Variants in ZNF718 observed in about 807,000 individuals in gnomAD.
The protein encoded by ZNF718 is zinc finger protein 718.
ZNF718 carries 3 observed loss-of-function variants against 2.6 expected under a neutral mutation model. That is an observed-to-expected ratio of 1.16 (90% CI 0.53 to 3.01). The LOEUF is 3.01. ZNF718 is among the 30% of genes most tolerant of loss of function. The pLI is 0.03. For synonymous variants in ZNF718, 135 were observed against 77.9 expected, an observed-to-expected ratio of 1.73 and a Z score of -3.86; for missense variants, 468 against 230.0, an observed-to-expected ratio of 2.03 and a Z score of -6.69.
At chr4:183,235 A>G (rs1581480194) in intron 3 of ZNF718, among the ~76,000 whole-genome samples, 2 of 152,170 alleles carry the variant, frequency 1.3e-5, no homozygotes, top group African/African-American at 4.8e-5. Flanking sequence ...CAGTTCTCCC[A>G]ACACCATTTA....
At chr4:188,651 TCTA>T (rs1717618260) in intron 3 of ZNF718, among the ~76,000 whole-genome samples, 1 of 152,178 alleles carries the variant, frequency 6.6e-6, no homozygotes, top group African/African-American at 2.4e-5. Flanking sequence ...AAGCAGCTGC[TCTA>T]CTGAGACTCC....
At chr4:149,398 A>G in intron 3 of ZNF718, among the ~76,000 whole-genome samples, 1 of 152,264 alleles carries the variant, frequency 6.6e-6, no homozygotes, top group East Asian at 1.9e-4. Flanking sequence ...TTTTTATGGT[A>G]CATCTGTATA....
In ZNF718 at chr4:124,622, T is replaced by C; in HGVS notation, c.-49T>C. The C allele has an allele frequency of 6.2e-7, 1 of 1,603,706 alleles. No homozygotes were observed. The highest frequency in any genetic ancestry group is 8.5e-7 in the Non-Finnish European group (1 of 1,178,732). On this transcript the variant is annotated 5_prime_UTR_variant, in exon 1 of 4. Coordinates refer to ENST00000510175, the MANE Select transcript of ZNF718 (RefSeq NM_001039127.6). The stretch of plus-strand genomic sequence containing the variant: ...CCTCTGTGGCTCTGTGACCTGCCGG[T>C]ATTGGATGATTCGTATCTAAGACTC...
At chr4:166,346 A>C (rs1197023108), downstream of ZNF718, among the ~76,000 whole-genome samples, 2 of 152,210 alleles carry the variant, frequency 1.3e-5, no homozygotes, top group African/African-American at 2.4e-5. Context: ...ATGATTTATA[A>C]TCCTTTGGGT....
chr4:176,846 C>T (rs1717354768), intron 3 of ZNF718, among the ~76,000 whole-genome samples: 2 of 152,314 alleles, frequency 1.3e-5, no homozygotes, highest in Middle Eastern at 3.4e-3. Flanking sequence ...ACAGCAGCAA[C>T]TTTAGTGGCA....
At chr4:179,451 A>G (rs1165394408) in intron 3 of ZNF718, among the ~76,000 whole-genome samples, 1 of 152,224 alleles carries the variant, frequency 6.6e-6, no homozygotes, top group Non-Finnish European at 1.5e-5. Flanking sequence ...TAAGGCTGAC[A>G]TGGAATTTGT....
intron 3 of ZNF718, among the ~76,000 whole-genome samples, chr4:141,136 G>A (rs1312085290): frequency 6.6e-6 from 1 of 151,684 alleles, no homozygotes; most frequent in Non-Finnish European, 1.5e-5. Flanking sequence ...TATTTAACAT[G>A]TAATTCTGTA....
chr4:189,413 AT>A (rs1205382580), intron 3 of ZNF718, among the ~76,000 whole-genome samples: 1 of 151,736 alleles, frequency 6.6e-6, no homozygotes, highest in Admixed American at 6.6e-5. Flanking sequence ...TTATTATTAA[AT>A]TTTTTCTTGA....
chr4:191,427 C>T (rs1717692319), intron 3 of ZNF718, among the ~76,000 whole-genome samples: 1 of 152,056 alleles, frequency 6.6e-6, no homozygotes, highest in Admixed American at 6.6e-5. Flanking sequence ...GTTGGGATTT[C>T]AGGCATGAGT....
chr4:133,303 C>T (rs2108780618), intron 3 of ZNF718, among the ~76,000 whole-genome samples: 1 of 149,916 alleles, frequency 6.7e-6, no homozygotes, highest in South Asian at 2.1e-4. Flanking sequence ...TCCACTACCA[C>T]AGATAAGTAA....
In ZNF718 at chr4:163,794, G is replaced by A. The variant is rs1445032030; in HGVS notation, c.*1672G>A. 6.6e-6 allele frequency: 1 copy of A among 152,020 alleles called. No homozygotes were observed. Among genetic ancestry groups the A allele is most frequent in the Non-Finnish European group, 1.5e-5 (1 of 67,976 alleles). 9.4% of individuals were successfully genotyped at this position (152,020 alleles called of 1,614,324 possible). A position where few individuals can be genotyped will look rare whatever the true frequency, so the allele number is the denominator to read the frequency against. On this transcript the variant is annotated 3_prime_UTR_variant, in exon 4 of 4. Transcript: ENST00000510175. ...ACATTTCTAGTAATTTCTTTTTCCA[G>A]TGGCTTTAAACAGCAAATAAGTTGA...
At chr4:145,428 A>G (rs2108790709) in intron 3 of ZNF718, among the ~76,000 whole-genome samples, 4 of 152,340 alleles carry the variant, frequency 2.6e-5, no homozygotes, top group Middle Eastern at 3.4e-3. Flanking sequence ...TACATAAAAC[A>G]TCTCATAGTT....
intron 3 of ZNF718, among the ~76,000 whole-genome samples, chr4:146,213 T>C (rs1716052191): frequency 6.6e-6 from 1 of 151,988 alleles, no homozygotes; most frequent in African/African-American, 2.4e-5. Context: ...GTCTAGTGAT[T>C]ATAAATTCCC....
chr4:140,087 CAT>C (rs1715747928), intron 3 of ZNF718, among the ~76,000 whole-genome samples: 1 of 152,132 alleles, frequency 6.6e-6, no homozygotes, highest in Admixed American at 6.5e-5. Flanking sequence ...CAAACTCGCA[CAT>C]GTTTTAAGGG....
At chr4:126,617 C>G (rs1481423570) in intron 1 of ZNF718, among the ~76,000 whole-genome samples, 1 of 152,138 alleles carries the variant, frequency 6.6e-6, no homozygotes, top group Non-Finnish European at 1.5e-5. Context: ...ACCCAGATTA[C>G]CTCCCAAATT....
Position 161,116 on chromosome 4 carries a change from A to C in ZNF718, c.431A>C (p.Gln144Pro), listed in dbSNP as rs1371407934. Residue 144 changes from glutamine to proline, a missense_variant, in exon 4 of 4, where the codon CAA (glutamine) becomes CCA (proline). By Grantham distance (76) the Gln-to-Pro change is moderately conservative. Coordinates refer to ENST00000510175, the MANE Select transcript of ZNF718 (RefSeq NM_001039127.6). ...CLLTTQKKTIQSNICVKVFHK... is the reference protein window; with the variant it reads ...CLLTTQKKTIPSNICVKVFHK... Reference sequence around the variant, plus strand: ...TTAACTACCCAGAAAAAAACAATTCAATCTAATATATGTGTCAAAGTTTTT... The same window carrying C: ...TTAACTACCCAGAAAAAAACAATTCCATCTAATATATGTGTCAAAGTTTTT... The C allele has an allele frequency of 6.6e-6, 5 of 762,806 alleles. No homozygotes were observed. Among genetic ancestry groups the C allele is most frequent in the Non-Finnish European group, 1.2e-5 (5 of 408,316 alleles). The allele number at this position is 762,806 out of a possible 1,614,324, so 47.3% of individuals were successfully genotyped here.
Position 139,956 on chromosome 4 carries a change from T to C in ZNF718, c.226+8451T>C, listed in dbSNP as rs934312392. On this transcript the variant is annotated intron_variant, in intron 3 of 3. Transcript: ENST00000510175. ...AACCTGGGTCTTTTTCATTTTTTTT[T>C]CCTTTATTTCTCAGTCTTTAAGTCG... 5.9e-5 allele frequency among the ~76,000 whole-genome samples: 9 copies of C among 152,138 alleles called. 1 individual carries two copies. The South Asian group carries it at 1.7e-3, about 28-fold the overall frequency.
Position 161,887 on chromosome 4 carries a change from G to T in ZNF718, c.1202G>T (p.Gly401Val). 1.3e-6 allele frequency: 1 copy of T among 780,200 alleles called. No homozygotes were observed. The highest frequency in any genetic ancestry group is 2.4e-6 in the Non-Finnish European group (1 of 417,722). 48.3% of individuals were successfully genotyped at this position (780,200 alleles called of 1,614,324 possible). A position where few individuals can be genotyped will look rare whatever the true frequency, so the allele number is the denominator to read the frequency against. ...AATCCCTACAAATGTGAAGATTGTGGCAAAGCCTTTAAAGTGTTTGCAAAC... is the reference window on the plus strand; with the variant it reads ...AATCCCTACAAATGTGAAGATTGTGTCAAAGCCTTTAAAGTGTTTGCAAAC... ...GKNPYKCEDC[G>V]KAFKVFANLH... The change falls in exon 4 of 4, where the codon GGC becomes GTC. Residue 401 changes from glycine to valine, a missense_variant. Transcript: ENST00000510175.
chr4:182,536 C>T (rs1033497760), intron 3 of ZNF718, among the ~76,000 whole-genome samples: 3 of 151,922 alleles, frequency 2.0e-5, no homozygotes, highest in African/African-American at 4.8e-5. Context: ...TGGGTATAAG[C>T]GATTCTTCTG....
Sources: gnomAD v4.1 joint callset for allele counts (sites outside exome capture counted in the v4.1 genomes callset) on GRCh38, gnomAD v4.1.1 for gene constraint, MANE v1.5 for transcripts, NCBI Gene and HGNC (gene_info 2026-07-23, HGNC 2026-07-21) for gene names.